NALCN: variants seen among roughly 807,000 people sequenced by gnomAD.
The protein encoded by NALCN is sodium leak channel NALCN.
Under a neutral mutation model 225.3 loss-of-function variants are expected in NALCN, and 111 were observed. The observed-to-expected ratio is 0.49, with a 90% CI of 0.42 to 0.58. The LOEUF is 0.58. Ranked by LOEUF, NALCN falls within the 20% of genes least tolerant of loss-of-function variation. The probability of loss-of-function intolerance (pLI) is 0.00; values close to 1 mark genes in which losing one functional copy is unlikely to be tolerated. For synonymous variants in NALCN, 764 were observed against 769.0 expected (o/e 0.99, Z 0.11); for missense variants, 1,378 against 2,202.4 (o/e 0.63, Z 7.49).
chr13:101,283,271 G>T (rs889288165), intron 10 of NALCN, among the ~76,000 whole-genome samples: 2 of 152,188 alleles, frequency 1.3e-5, no homozygotes, highest in African/African-American at 4.8e-5. Context: ...AGGAAGAGAA[G>T]ATGTCAGTAT....
chr13:101,284,763 A>T (rs2043281757), intron 9 of NALCN, among the ~76,000 whole-genome samples: 1 of 152,192 alleles, frequency 6.6e-6, no homozygotes, highest in Non-Finnish European at 1.5e-5. Flanking sequence ...TCTGAAATCC[A>T]TTGAATTAGA....
chr13:101,324,054 C>T (rs1365618838), intron 7 of NALCN, among the ~76,000 whole-genome samples: 1 of 152,076 alleles, frequency 6.6e-6, no homozygotes, highest in African/African-American at 2.4e-5. Flanking sequence ...CATTAACATT[C>T]AGAAAATATG....
chr13:101,320,255 T>A (rs2044699656), intron 7 of NALCN, among the ~76,000 whole-genome samples: 1 of 152,222 alleles, frequency 6.6e-6, no homozygotes, highest in South Asian at 2.1e-4. Flanking sequence ...TTTCCTCAAA[T>A]TACAACTCAC....
At chr13:101,268,405 T>A (rs1292872618) in intron 10 of NALCN, among the ~76,000 whole-genome samples, 1 of 152,210 alleles carries the variant, frequency 6.6e-6, no homozygotes, top group Non-Finnish European at 1.5e-5. Context: ...CCAGCTCTTA[T>A]GGCATCTCTG....
chr13:101,238,995 T>C (rs898937067), intron 11 of NALCN, among the ~76,000 whole-genome samples: 24 of 152,084 alleles, frequency 1.6e-4, no homozygotes, highest in Non-Finnish European at 3.2e-4. Context: ...TGCTTTTTAA[T>C]TTTAATTGCC....
intron 17 of NALCN, among the ~76,000 whole-genome samples, chr13:101,125,148 G>T (rs1260629083): frequency 6.6e-6 from 1 of 152,026 alleles, no homozygotes; most frequent in East Asian, 1.9e-4. Flanking sequence ...TTCCTAGTTG[G>T]CGATGATAAA....
At chr13:101,409,300 T>C (rs994297637) in intron 1 of NALCN, among the ~76,000 whole-genome samples, 4 of 152,182 alleles carry the variant, frequency 2.6e-5, no homozygotes, top group Admixed American at 1.3e-4. Flanking sequence ...TGTTTCATTG[T>C]AGTAGGAGCA....
intron 10 of NALCN, among the ~76,000 whole-genome samples, chr13:101,266,346 G>A (rs2042597411): frequency 6.6e-6 from 1 of 152,088 alleles, no homozygotes; most frequent in Non-Finnish European, 1.5e-5. Flanking sequence ...CTTTCAAAAT[G>A]ATCTAAAGCT....
At chr13:101,398,813 C>T (rs935112834) in intron 2 of NALCN, among the ~76,000 whole-genome samples, 1 of 152,080 alleles carries the variant, frequency 6.6e-6, no homozygotes, top group African/African-American at 2.4e-5. Context: ...GGGGATCAGA[C>T]TACCCAGTGC....
chr13:101,232,729 A>G (rs1008864027), intron 12 of NALCN, among the ~76,000 whole-genome samples: 3 of 152,140 alleles, frequency 2.0e-5, no homozygotes, highest in Non-Finnish European at 4.4e-5. Flanking sequence ...TACAGGTGTG[A>G]GCCACTGCAC....
At chr13:101,258,413 C>T in intron 11 of NALCN, 30 bp downstream of exon 11, 4 of 1,613,256 alleles carry the variant, frequency 2.5e-6, no homozygotes, top group Non-Finnish European at 3.4e-6. Flanking sequence ...GCTCCTTGCC[C>T]AGCGATCTGC....
At chr13:101,310,995 T>C (rs1445523796) in intron 7 of NALCN, among the ~76,000 whole-genome samples, 1 of 152,066 alleles carries the variant, frequency 6.6e-6, no homozygotes, top group Non-Finnish European at 1.5e-5. Flanking sequence ...CCCATGAGCA[T>C]GGAATGTTCT....
chr13:101,063,341 C>A (rs12859302), intron 40 of NALCN, among the ~76,000 whole-genome samples: 1 of 152,230 alleles, frequency 6.6e-6, no homozygotes, highest in Non-Finnish European at 1.5e-5. Context: ...AGAATCCCAT[C>A]AAAGCTTCAT....
chr13:101,219,451 T>C (rs2040856908), intron 13 of NALCN, among the ~76,000 whole-genome samples: 1 of 152,174 alleles, frequency 6.6e-6, no homozygotes. Flanking sequence ...TCATTCTCCA[T>C]TCAAACACCT....
Position 101,082,789 on chromosome 13 carries a change from T to G in NALCN, c.3765+20A>C, listed in dbSNP as rs748011263. On this transcript the variant is annotated intron_variant, in intron 33 of 43. Transcript: ENST00000251127. ...AACTGTGCACAGATTCCCCCAGAGC[T>G]AGCTGACTCATTACAGTACCTCCAG... The G allele has an allele frequency of 6.2e-7, 1 of 1,613,470 alleles. No homozygotes were observed. Among genetic ancestry groups the G allele is most frequent in the South Asian group, 1.1e-5 (1 of 91,068 alleles).
intron 13 of NALCN, among the ~76,000 whole-genome samples, chr13:101,203,294 C>A (rs544994784): frequency 6.6e-6 from 1 of 152,202 alleles, no homozygotes; most frequent in Non-Finnish European, 1.5e-5. Flanking sequence ...TGGCTCACTG[C>A]AACCTCCACC....
At chr13:101,168,058 G>T (rs899858117) in intron 15 of NALCN, among the ~76,000 whole-genome samples, 25 of 152,050 alleles carry the variant, frequency 1.6e-4, no homozygotes, top group African/African-American at 5.3e-4. Context: ...AAGTCTTTGA[G>T]ATCGTTGAAC....
chr13:101,136,079 A>T (rs1325691378), intron 17 of NALCN, among the ~76,000 whole-genome samples: 3 of 152,220 alleles, frequency 2.0e-5, no homozygotes, highest in African/African-American at 7.2e-5. Flanking sequence ...ATAATCATTG[A>T]GAGGGAATTC....
chr13:101,129,867 C>A (rs911267768), intron 17 of NALCN, among the ~76,000 whole-genome samples: 4 of 151,928 alleles, frequency 2.6e-5, no homozygotes, highest in African/African-American at 9.7e-5. Flanking sequence ...GCTATCCCTC[C>A]CCTTGCCCCC....
Sources: gnomAD v4.1 joint callset for allele counts (sites outside exome capture counted in the v4.1 genomes callset) on GRCh38, gnomAD v4.1.1 for gene constraint, MANE v1.5 for transcripts, NCBI Gene and HGNC (gene_info 2026-07-23, HGNC 2026-07-21) for gene names.